Variants in KLF12 observed in about 807,000 individuals in gnomAD.
KLF12 encodes Krueppel-like factor 12.
Under a neutral mutation model 37.8 loss-of-function variants are expected in KLF12, and 9 were observed. The ratio of observed to expected loss-of-function variants is 0.24; its 90% CI spans 0.14 to 0.42. The LOEUF is 0.42. Ranked by LOEUF, KLF12 falls within the 10% of genes least tolerant of loss-of-function variation. KLF12 has a pLI of 1.00. For synonymous variants in KLF12, 208 were observed against 202.1 expected, an observed-to-expected ratio of 1.03 and a Z score of -0.25; for missense variants, 411 against 516.0, an observed-to-expected ratio of 0.80 and a Z score of 1.97.
the KLF12 span, among the ~76,000 whole-genome samples, chr13:74,210,794 T>C: frequency 6.6e-6 from 1 of 152,346 alleles, no homozygotes; most frequent in African/African-American, 2.4e-5. Context: ...ATTTCTATTG[T>C]TCTCCAGGCC....
At chr13:74,296,992 C>T in the KLF12 span, among the ~76,000 whole-genome samples, 1 of 152,126 alleles carries the variant, frequency 6.6e-6, no homozygotes, top group African/African-American at 2.4e-5. Context: ...TGTTTGAAAC[C>T]TCTTGGTAAC....
intron 1 of KLF12, among the ~76,000 whole-genome samples, chr13:74,131,035 T>C (rs1272057871): frequency 6.6e-6 from 1 of 152,198 alleles, no homozygotes; most frequent in Non-Finnish European, 1.5e-5. Flanking sequence ...CTGGGTAAGG[T>C]TACCCCAAAC....
rs549130081 is a variant in KLF12, at chr13:73,776,511, G to A, written c.807-11511C>T. Among the ~76,000 whole-genome samples the A allele has an allele frequency of 3.3e-5, 5 of 152,280 alleles. No homozygotes were observed. The East Asian group carries it at 7.7e-4, about 24-fold the overall frequency. On this transcript the variant is annotated intron_variant, in intron 5 of 7. Transcript: ENST00000377669. ...GTATCACATGCCAGCCCACCAATAG[G>A]ATTGGACAAATAGCAATGCACCCAC... is the stretch of plus-strand genomic sequence containing the variant.
At chr13:73,971,048 T>TA (rs1891321881) in intron 2 of KLF12, among the ~76,000 whole-genome samples, 2 of 152,194 alleles carry the variant, frequency 1.3e-5, no homozygotes. Context: ...TATGGATTTT[T>TA]AAGTGTTAAA....
At chr13:74,214,090 G>A in the KLF12 span, among the ~76,000 whole-genome samples, 2 of 152,006 alleles carry the variant, frequency 1.3e-5, no homozygotes, top group African/African-American at 4.8e-5. Flanking sequence ...TGCAATTTTT[G>A]TTTTTCAAAA....
At chr13:74,026,110 A>G (rs986998066) in intron 1 of KLF12, among the ~76,000 whole-genome samples, 9 of 151,868 alleles carry the variant, frequency 5.9e-5, no homozygotes, top group Non-Finnish European at 1.0e-4. Context: ...TCGATTGCAC[A>G]TGGATTGCAA....
chr13:74,293,618 A>G, the KLF12 span, among the ~76,000 whole-genome samples: 9 of 152,196 alleles, frequency 5.9e-5, no homozygotes, highest in Admixed American at 4.6e-4. Context: ...TCTATTTCCC[A>G]GTAACTGAAG....
At chr13:73,770,997 T>C (rs375935279) in intron 5 of KLF12, among the ~76,000 whole-genome samples, 2 of 152,298 alleles carry the variant, frequency 1.3e-5, no homozygotes, top group Non-Finnish European at 1.5e-5. Flanking sequence ...GCAATTATAA[T>C]GTATTAATTA....
At chr13:73,783,816 C>G (rs1029577066) in intron 5 of KLF12, among the ~76,000 whole-genome samples, 2 of 152,048 alleles carry the variant, frequency 1.3e-5, no homozygotes, top group East Asian at 3.9e-4. Flanking sequence ...TTTTATAAAT[C>G]GTACCATCTT....
chr13:73,893,369 C>CTTTTTTT (rs71115621), intron 3 of KLF12, among the ~76,000 whole-genome samples: 2 of 50,586 alleles, frequency 4.0e-5, no homozygotes, highest in African/African-American at 8.2e-5. Context: ...ACAATATTGA[C>CTTTTTTT]TTTTTTTTTT....
At chr13:73,739,565 T>C (rs1403908721) in intron 6 of KLF12, among the ~76,000 whole-genome samples, 1 of 152,086 alleles carries the variant, frequency 6.6e-6, no homozygotes, top group East Asian at 1.9e-4. Context: ...TCCATAAAGG[T>C]TGGGAGTCAT....
chr13:74,281,365 G>C, the KLF12 span, among the ~76,000 whole-genome samples: 2 of 152,120 alleles, frequency 1.3e-5, no homozygotes, highest in African/African-American at 4.8e-5. Context: ...AAAACCTTGA[G>C]GAGATAAGAA....
At chr13:74,087,727 G>A (rs1012017622) in intron 1 of KLF12, among the ~76,000 whole-genome samples, 1 of 152,094 alleles carries the variant, frequency 6.6e-6, no homozygotes, top group Non-Finnish European at 1.5e-5. Flanking sequence ...TTGGAAACCA[G>A]AGATAACATT....
intron 3 of KLF12, among the ~76,000 whole-genome samples, chr13:73,909,967 C>T (rs1328196250): frequency 6.6e-6 from 1 of 151,846 alleles, no homozygotes; most frequent in Non-Finnish European, 1.5e-5. Flanking sequence ...TACTTTCAAA[C>T]GTTATTTTTT....
chr13:74,147,579 C>T, the KLF12 span, among the ~76,000 whole-genome samples: 4,303 of 152,270 alleles, frequency 0.028, 100 homozygotes, highest in Middle Eastern at 0.065. Context: ...ACATGAGTTT[C>T]GAAATGCTCC....
intron 5 of KLF12, among the ~76,000 whole-genome samples, chr13:73,783,987 T>G (rs897454900): frequency 6.6e-6 from 1 of 152,138 alleles, no homozygotes; most frequent in South Asian, 2.1e-4. Context: ...CTCAATGTAC[T>G]TAAGACTCCC....
intron 3 of KLF12, among the ~76,000 whole-genome samples, chr13:73,857,223 T>TGTTTTC (rs1885656521): frequency 6.6e-6 from 1 of 152,156 alleles, no homozygotes; most frequent in Non-Finnish European, 1.5e-5. Flanking sequence ...CACTTCAGAT[T>TGTTTTC]GTTTTGAGAG....
rs1873825315 is a variant in KLF12 at position 73,691,588 on chromosome 13, A to C, written c.*3902T>G. The C allele has an allele frequency of 1.3e-5, 2 of 152,630 alleles. No individual in the cohort carries two copies. The highest frequency in any genetic ancestry group is 4.8e-5 in the African/African-American group (2 of 41,446). The allele number at this position is 152,630 out of a possible 1,614,324, so 9.5% of individuals were successfully genotyped here. A position where few individuals can be genotyped will look rare whatever the true frequency, so the allele number is the denominator to read the frequency against. ...CTTAATTTCTGTCAATCCTCACTAT[A>C]AATGTTAAGACATCTTTAGAACAAC... On this transcript the variant is annotated 3_prime_UTR_variant, in exon 8 of 8. Transcript: ENST00000377669.
chr13:73,777,719 G>GA (rs58416242), intron 5 of KLF12, among the ~76,000 whole-genome samples: 17,549 of 144,720 alleles, frequency 0.12, 1,203 homozygotes, highest in East Asian at 0.29. Context: ...AAAAAAAAAA[G>GA]AAAAAAAAAA....
Sources: gnomAD v4.1 joint callset for allele counts (sites outside exome capture counted in the v4.1 genomes callset) on GRCh38, gnomAD v4.1.1 for gene constraint, MANE v1.5 for transcripts, NCBI Gene and HGNC (gene_info 2026-07-23, HGNC 2026-07-21) for gene names.